Variants in MAP2K3 observed in about 807,000 individuals in gnomAD.
MAP2K3 encodes mitogen-activated protein kinase kinase 3.
A neutral mutation model predicts 46.4 loss-of-function variants in MAP2K3; 30 were observed. The ratio of observed to expected loss-of-function variants is 0.65; its 90% CI spans 0.48 to 0.88. The LOEUF is 0.88. Among genes scored for constraint, MAP2K3 ranks in the 40% least tolerant of loss-of-function variants. The pLI is 0.00. For missense variants in MAP2K3, 380 were observed against 464.5 expected (o/e 0.82, Z 1.67); for synonymous variants, 189 against 176.3 (o/e 1.07, Z -0.57).
intron 1 of MAP2K3, among the ~76,000 whole-genome samples, chr17:21,293,612 G>T (rs62056396): frequency 2.6e-5 from 4 of 152,312 alleles, no homozygotes; most frequent in Non-Finnish European, 5.9e-5. Context: ...GTCCCTGTAG[G>T]GTAGAGAGGT....
intron 1 of MAP2K3, chr17:21,295,848 G>T (rs1158977650): frequency 2.3e-6 from 3 of 1,289,190 alleles, no homozygotes; most frequent in Non-Finnish European, 3.0e-6. Flanking sequence ...GTGGGTGGCA[G>T]GCTGGGGCCA....
rs916323388 is a variant in MAP2K3 at position 21,295,421 on chromosome 17, G to A, written c.50-2992G>A. ...CCCAGGACACCCCGTGCTGAGAGCC[G>A]GGACAGGCGGGCTTATCGTGGGTTG... On this transcript the variant is annotated intron_variant, in intron 1 of 11. Coordinates refer to ENST00000342679, the MANE Select transcript of MAP2K3 (RefSeq NM_145109.3). Among the ~76,000 whole-genome samples, 8 of 152,412 alleles carry A rather than the reference G, an allele frequency of 5.2e-5. No individual in the cohort carries two copies. In the East Asian group the frequency reaches 9.6e-4, roughly 18 times the overall value.
rs889093120 is a variant in MAP2K3 at position 21,284,780 on chromosome 17, T to TCGCCGCCGCCGCCGCCGC, written c.-131_-114dup. 7.3e-5 allele frequency: 66 copies of TCGCCGCCGCCGCCGCCGC among 902,324 alleles called. No homozygotes were observed. In the East Asian group the frequency reaches 2.0e-3, roughly 28 times the overall value. The allele number at this position is 902,324 out of a possible 1,614,324, so 55.9% of individuals were successfully genotyped here. On this transcript the variant is annotated 5_prime_UTR_variant, in exon 1 of 12. Transcript: ENST00000342679. ...GTCGCCGCCGCAGTCCTCGCCGCAG[T>TCGCCGCCGCCGCCGCCGC]CGCCGCCGCCGCCGCCGCCGCCGCC...
At chr17:21,295,543 C>T (rs916378659) in intron 1 of MAP2K3, 5 of 1,229,576 alleles carry the variant, frequency 4.1e-6, no homozygotes, top group Admixed American at 2.6e-5. Flanking sequence ...GGGCCCAGCT[C>T]TGACGTCTGC....
intron 7 of MAP2K3, among the ~76,000 whole-genome samples, chr17:21,304,128 G>A (rs559711045): frequency 1.3e-5 from 2 of 152,426 alleles, no homozygotes; most frequent in Non-Finnish European, 2.9e-5. Flanking sequence ...GCGGATGCAG[G>A]CACGGTGCTC....
chr17:21,287,530 C>T (rs1201668972), intron 1 of MAP2K3, among the ~76,000 whole-genome samples: 3 of 152,204 alleles, frequency 2.0e-5, no homozygotes, highest in Non-Finnish European at 4.4e-5. Flanking sequence ...AGCAGGTGCC[C>T]TGCACTGTTT....
At position 21,300,624 on chromosome 17, in the gene MAP2K3, G is replaced by T. The variant is rs759527241; in HGVS notation, c.245G>T (p.Arg82Leu). Reference sequence around the variant, plus strand: ...GCCTATGGGGTGGTAGAGAAGGTGCGGCACGCCCAGAGCGGCACCATCATG... The same window carrying T: ...GCCTATGGGGTGGTAGAGAAGGTGCTGCACGCCCAGAGCGGCACCATCATG... ...RGAYGVVEKV[R>L]HAQSGTIMAV... Residue 82 changes from arginine to leucine, a missense_variant, in exon 4 of 12, where the codon CGG becomes CTG. Transcript: ENST00000342679. 1.9e-6 allele frequency: 3 copies of T among 1,611,964 alleles called. No homozygotes were observed. The highest frequency in any genetic ancestry group is 4.5e-5 in the East Asian group (2 of 44,852).
rs1424412188 is a variant in MAP2K3, at chr17:21,313,485, C to T, written c.915-7C>T. ...AGCCTGGCCACAGCTGCACTATTCT[C>T]TCCTAGCCTGAGGAAGAACCCCGCA... On this transcript the variant is annotated splice_region_variant and splice_polypyrimidine_tract_variant and intron_variant, in intron 10 of 11. Coordinates refer to ENST00000342679, the MANE Select transcript of MAP2K3 (RefSeq NM_145109.3). The T allele has an allele frequency of 6.2e-7, 1 of 1,612,614 alleles. No homozygotes were observed. The highest frequency in any genetic ancestry group is 8.5e-7 in the Non-Finnish European group (1 of 1,179,626).
chr17:21,294,611 C>G (rs1976135569), intron 1 of MAP2K3, among the ~76,000 whole-genome samples: 1 of 152,302 alleles, frequency 6.6e-6, no homozygotes, highest in African/African-American at 2.4e-5. Flanking sequence ...TGTGGCCTCT[C>G]TAAGTCACCT....
intron 10 of MAP2K3, among the ~76,000 whole-genome samples, chr17:21,312,925 A>AAC (rs1040052904): frequency 2.0e-5 from 3 of 152,044 alleles, no homozygotes; most frequent in African/African-American, 7.3e-5. Flanking sequence ...TCTCAAAAAA[A>AAC]AAAAAAAATC....
chr17:21,303,143 C>CA, intron 6 of MAP2K3, 40 bp from the exon 7 acceptor site: 2 of 1,613,536 alleles, frequency 1.2e-6, no homozygotes, highest in South Asian at 2.2e-5. Context: ...CCAGGAATAA[C>CA]AGAGTCCTGT....
intron 7 of MAP2K3, 93 bp from the exon 8 acceptor site, chr17:21,304,333 T>C (rs1275597753): frequency 9.4e-6 from 15 of 1,597,676 alleles, no homozygotes; most frequent in Admixed American, 6.7e-5. Flanking sequence ...GGAGGGGTCT[T>C]GGGCGAGGGA....
At chr17:21,301,079 C>A in intron 5 of MAP2K3, 86 bp downstream of exon 5, 1 of 1,604,112 alleles carries the variant, frequency 6.2e-7, no homozygotes, top group Non-Finnish European at 8.5e-7. Context: ...CCCTCCAGTA[C>A]GCCAGGTGCT....
At chr17:21,292,768 T>TGCTAATTTTTGTATTTTTAGTA (rs1555547625) in intron 1 of MAP2K3, among the ~76,000 whole-genome samples, 5 of 152,420 alleles carry the variant, frequency 3.3e-5, no homozygotes, top group African/African-American at 7.2e-5. Flanking sequence ...ATTACAGGCG[T>TGCTAATTTTTGTATTTTTAGTA]GAGCCACCTC....
chr17:21,295,906 CA>C, intron 1 of MAP2K3: 1 of 1,269,704 alleles, frequency 7.9e-7, no homozygotes, highest in South Asian at 1.3e-5. Context: ...GCGTGGACCC[CA>C]CAGGGAAAGG....
intron 1 of MAP2K3, among the ~76,000 whole-genome samples, chr17:21,288,958 C>T (rs556760524): frequency 1.3e-5 from 2 of 152,372 alleles, no homozygotes; most frequent in East Asian, 3.9e-4. Flanking sequence ...AGTAAACATG[C>T]TCCCTTGCAG....
intron 1 of MAP2K3, among the ~76,000 whole-genome samples, chr17:21,297,667 C>A (rs1265734733): frequency 6.6e-6 from 1 of 152,308 alleles, no homozygotes; most frequent in East Asian, 1.9e-4. Context: ...CCGTTAGTAC[C>A]AGCTGAGTGC....
Position 21,300,949 on chromosome 17 carries a change from G to T in MAP2K3, c.355G>T (p.Asp119Tyr), listed in dbSNP as rs761995933. The change falls in exon 5 of 12, where the codon GAC becomes TAC. Residue 119 changes from aspartate (D) to tyrosine (Y), a missense_variant. Around this residue, in one of 5 missense-constraint regions of MAP2K3, gnomAD observed 294 missense variants for 275.4 expected, o/e 1.07. Coordinates refer to ENST00000342679, the MANE Select transcript of MAP2K3 (RefSeq NM_145109.3). ...CCTGGACATCAACATGCGCACGGTC[G>T]ACTGTTTCTACACTGTCACCTTCTA... ...MDLDINMRTVDCFYTVTFYGA... is the reference protein window; with the variant it reads ...MDLDINMRTVYCFYTVTFYGA... 2 of 1,614,136 alleles carry T rather than the reference G, an allele frequency of 1.2e-6. No homozygotes were observed. The highest frequency in any genetic ancestry group is 1.7e-6 in the Non-Finnish European group (2 of 1,180,050).
chr17:21,291,335 GTACAA>G (rs1400188327), intron 1 of MAP2K3: 12 of 44,440 alleles, frequency 2.7e-4, no homozygotes, highest in Non-Finnish European at 4.5e-4. Flanking sequence ...ATAGAATACA[GTACAA>G]TACAATACAA....
Sources: allele counts gnomAD v4.1 joint callset (sites outside exome capture counted in the v4.1 genomes callset), GRCh38; gene constraint gnomAD v4.1.1; regional missense constraint gnomAD v4.1.1; transcripts MANE v1.5; gene names NCBI Gene and HGNC (gene_info 2026-07-23, HGNC 2026-07-21).